The following LAMA5 variants were observed in gnomAD, a reference collection of about 807,000 sequenced individuals.
LAMA5 encodes laminin subunit alpha-5.
Under a neutral mutation model 433.4 loss-of-function variants are expected in LAMA5, and 260 were observed. The observed-to-expected ratio is 0.60, with a 90% CI of 0.54 to 0.66. The LOEUF is 0.66. Among genes scored for constraint, LAMA5 ranks in the 30% least tolerant of loss-of-function variants. LAMA5 has a pLI of 0.00. For missense variants in LAMA5, 5,378 were observed against 5,258.5 expected (o/e 1.02, Z -0.70); for synonymous variants, 2,620 against 2,226.6 (o/e 1.18, Z -4.97).
rs2146139765 is a variant in LAMA5, at chr20:62,324,592, G to A, written c.5530-38C>T. On this transcript the variant is annotated intron_variant, in intron 41 of 79. Coordinates refer to ENST00000252999, the MANE Select transcript of LAMA5 (RefSeq NM_005560.6). This position sits in a 1 kb window ranked among gnomAD's most constrained non-coding sequence, Gnocchi z 4.4. ...GGGGGCAGGTGGCATCAGCGATTGA[G>A]AGGACGAGGGGCCCCACCCTGCAAG... The A allele has an allele frequency of 6.8e-7, 1 of 1,461,282 alleles. No individual in the cohort carries two copies. Among genetic ancestry groups the A allele is most frequent in the African/African-American group, 1.4e-5 (1 of 71,952 alleles). 90.5% of individuals were successfully genotyped at this position (1,461,282 alleles called of 1,614,324 possible). A position where few individuals can be genotyped will look rare whatever the true frequency, so the allele number is the denominator to read the frequency against.
Position 62,312,534 on chromosome 20 carries a change from T to TGTGGGGAA in LAMA5, c.9228-10_9228-3dup. On this transcript the variant is annotated splice_polypyrimidine_tract_variant and splice_region_variant and intron_variant, in intron 67 of 79. Coordinates refer to ENST00000252999, the MANE Select transcript of LAMA5 (RefSeq NM_005560.6). The stretch of plus-strand genomic sequence containing the variant: ...CCGGTGGGGAAGAGCCGTCGCAGGC[T>TGTGGGGAA]GTGGGGAAGCGGGGATGCGGGTCAG... 1 of 1,599,554 alleles carries TGTGGGGAA rather than the reference T, an allele frequency of 6.3e-7. No homozygotes were observed. Among genetic ancestry groups the TGTGGGGAA allele is most frequent in the South Asian group, 1.1e-5 (1 of 90,966 alleles).
At chr20:62,311,329 GCAGGGGCCGCCCACA>G (rs1175986288) in intron 72 of LAMA5, 22 bp from the exon 73 acceptor site, 3 of 1,536,540 alleles carry the variant, frequency 2.0e-6, no homozygotes, top group Non-Finnish European at 2.6e-6. Context: ...GATGGTGAAT[GCAGGGGCCGCCCACA>G]CAGGGGCCAC....
chr20:62,318,446 G>A lies in LAMA5; in HGVS notation c.7239+8C>T, dbSNP rs1253278098. 1 of 1,597,402 alleles carries A rather than the reference G, an allele frequency of 6.3e-7. No homozygotes were observed. Among genetic ancestry groups the A allele is most frequent in the South Asian group, 1.1e-5 (1 of 90,822 alleles). ...GAGCAGGAGGAAGAACAAGTCCGGG[G>A]TCCTCACCAGGGCTTCCTCCAGGCG... is the stretch of plus-strand genomic sequence containing the variant. On this transcript the variant is annotated splice_region_variant and intron_variant, in intron 53 of 79. Coordinates refer to ENST00000252999, the MANE Select transcript of LAMA5 (RefSeq NM_005560.6).
chr20:62,333,610 T>C lies in LAMA5; in HGVS notation c.2975A>G (p.Asn992Ser). Residue 992 changes from asparagine (N) to serine (S), a missense_variant, in exon 24 of 80, where the codon AAC becomes AGC. By Grantham distance (46) the Asn-to-Ser change is conservative. Coordinates refer to ENST00000252999, the MANE Select transcript of LAMA5 (RefSeq NM_005560.6). ...QRGFGEPFVLNPGTWALRVEA... is the reference protein window; with the variant it reads ...QRGFGEPFVLSPGTWALRVEA... Reference sequence around the variant, plus strand: ...CACACGCAGGGCCCAGGTGCCAGGGTTCAGCACAAAGGGCTCTCCGAAGCC... The same window carrying C: ...CACACGCAGGGCCCAGGTGCCAGGGCTCAGCACAAAGGGCTCTCCGAAGCC... 2 of 1,575,956 alleles carry C rather than the reference T, an allele frequency of 1.3e-6. No individual in the cohort carries two copies. Among genetic ancestry groups the C allele is most frequent in the African/African-American group, 1.3e-5 (1 of 74,532 alleles).
chr20:62,324,348 T>G lies in LAMA5; in HGVS notation c.5643+93A>C. 1 of 1,428,524 alleles carries G rather than the reference T, an allele frequency of 7.0e-7. No homozygotes were observed. Among genetic ancestry groups the G allele is most frequent in the Non-Finnish European group, 9.7e-7 (1 of 1,035,158 alleles). The allele number at this position is 1,428,524 out of a possible 1,614,324, so 88.5% of individuals were successfully genotyped here. ...GGCAACACCCTTCCCCAGACCTCAG[T>G]TGACCTGGAAGTGCAGCCCCTGGTC... On this transcript the variant is annotated intron_variant, in intron 42 of 79. Transcript: ENST00000252999. This position sits in a 1 kb window ranked among gnomAD's most constrained non-coding sequence, Gnocchi z 4.4.
Position 62,312,641 on chromosome 20 carries a change from A to C in LAMA5, c.9218T>G (p.Leu3073Arg). ...YYLGGVPPDQ[L>R]PPSLRRLFPT... ...TGCGCACAGTGCTTACCTCGGGGGCAGCTGGTCGGGCGGCACGCCCCCCAG... is the reference window on the plus strand; with the variant it reads ...TGCGCACAGTGCTTACCTCGGGGGCCGCTGGTCGGGCGGCACGCCCCCCAG... Residue 3073 changes from leucine to arginine, a missense_variant, in exon 67 of 80, where the codon CTG becomes CGG. Coordinates refer to ENST00000252999, the MANE Select transcript of LAMA5 (RefSeq NM_005560.6). 6.2e-7 allele frequency: 1 copy of C among 1,606,594 alleles called. No individual in the cohort carries two copies.
At chr20:62,354,633 G>T (rs377743550) in intron 2 of LAMA5, among the ~76,000 whole-genome samples, 1 of 152,142 alleles carries the variant, frequency 6.6e-6, no homozygotes, top group Admixed American at 6.5e-5. Context: ...AGCAGGGGGG[G>T]TCCCGAGGCA....
chr20:62,317,840 G>A (rs905770015), intron 53 of LAMA5, 62 bp from the exon 54 acceptor site: 24 of 821,050 alleles, frequency 2.9e-5, no homozygotes, highest in Middle Eastern at 7.3e-4. Context: ...AGGATGTGAT[G>A]GGGTGGACAG....
At chr20:62,352,437 C>G (rs1042047178) in intron 3 of LAMA5, 77 bp from the exon 4 acceptor site, 1 of 1,092,966 alleles carries the variant, frequency 9.1e-7, no homozygotes, top group Admixed American at 2.0e-5. Flanking sequence ...GGCCCCTTGA[C>G]GTCTCCGGGC....
At position 62,327,588 on chromosome 20, in the gene LAMA5, G is replaced by T; in HGVS notation, c.4879C>A (p.Arg1627Ser). 1.2e-6 allele frequency: 2 copies of T among 1,613,002 alleles called. No homozygotes were observed. The highest frequency in any genetic ancestry group is 1.7e-6 in the Non-Finnish European group (2 of 1,180,014). The change falls in exon 37 of 80, where the codon CGC becomes AGC. Residue 1627 changes from arginine (R) to serine (S), a missense_variant. Physicochemically the swap from Arg to Ser is moderately radical, Grantham distance 110. Coordinates refer to ENST00000252999, the MANE Select transcript of LAMA5 (RefSeq NM_005560.6). ...LDAANPKGCT[R>S]CFCFGATERC... ...TCCGTGGCCCCAAAGCAGAAGCAGC[G>T]GGTGCAACCTTTGGGGTTGGCAGCA...
chr20:62,347,185 C>T (rs967312726), intron 6 of LAMA5, among the ~76,000 whole-genome samples, 157 bp from the exon 7 acceptor site: 1 of 152,208 alleles, frequency 6.6e-6, no homozygotes. Context: ...CGGCAGCAAG[C>T]GCTCGCCCAG....
chr20:62,310,793 C>A lies in LAMA5; in HGVS notation c.10318G>T (p.Val3440Leu). 6.4e-7 allele frequency: 1 copy of A among 1,552,564 alleles called. No individual in the cohort carries two copies. The highest frequency in any genetic ancestry group is 1.2e-5 in the South Asian group (1 of 83,156). Reference sequence around the variant, plus strand: ...CTCCAGGCCCGGGCCCCGTCCGTCACCAGCAGGATCCGGTTCTTCTCCCAG... The same window carrying A: ...CTCCAGGCCCGGGCCCCGTCCGTCAACAGCAGGATCCGGTTCTTCTCCCAG... Reference protein sequence around the residue: ...VRWEKNRILLVTDGARAWSQE... With the variant: ...VRWEKNRILLLTDGARAWSQE... Residue 3440 changes from valine to leucine, a missense_variant, in exon 75 of 80, where the codon GTG becomes TTG. Val to Leu is a conservative substitution (Grantham distance 32, BLOSUM62 1). Transcript: ENST00000252999.
rs1485140090 is a variant in LAMA5 at position 62,366,950 on chromosome 20, C to A, written c.296G>T (p.Arg99Leu). ...CCCACGGCCCGCCCCTGCGCTCACC[C>A]GGATGGTCTGGTTGGGGTCGCCGCC... ...VAGGDPNQTI[R>L]GQYCDICTAA... The change falls in exon 1 of 80, where the codon CGG (arginine) becomes CTG (leucine). Residue 99 changes from arginine (R) to leucine (L), a missense_variant and splice_region_variant. Coordinates refer to ENST00000252999, the MANE Select transcript of LAMA5 (RefSeq NM_005560.6). 7.9e-7 allele frequency: 1 copy of A among 1,270,188 alleles called. No homozygotes were observed. The highest frequency in any genetic ancestry group is 3.6e-5 in the South Asian group (1 of 28,124). 78.7% of individuals were successfully genotyped at this position (1,270,188 alleles called of 1,614,324 possible).
chr20:62,334,130 A>C, intron 22 of LAMA5, 56 bp downstream of exon 22: 1 of 1,589,878 alleles, frequency 6.3e-7, no homozygotes, highest in East Asian at 2.3e-5. Flanking sequence ...CCTCCCTGCC[A>C]GCCACGCCTG....
At position 62,334,050 on chromosome 20, in the gene LAMA5, A is replaced by G; in HGVS notation, c.2740-11T>C. On this transcript the variant is annotated splice_polypyrimidine_tract_variant and intron_variant, in intron 22 of 79. Coordinates refer to ENST00000252999, the MANE Select transcript of LAMA5 (RefSeq NM_005560.6). ...GGCCACGATCCTGGGCTGGGTGGGC[A>G]TGGAGCGTCGGGTCACTCTCCCTGA... is the stretch of plus-strand genomic sequence containing the variant. The G allele has an allele frequency of 6.2e-7, 1 of 1,608,202 alleles. No individual in the cohort carries two copies. The highest frequency in any genetic ancestry group is 8.5e-7 in the Non-Finnish European group (1 of 1,176,332).
rs373009617 is a variant in LAMA5 at position 62,320,831 on chromosome 20, G to A, written c.6556C>T (p.Pro2186Ser). 3.6e-5 allele frequency: 58 copies of A among 1,612,620 alleles called. No homozygotes were observed. The Middle Eastern group carries it at 6.6e-4, about 18-fold the overall frequency. The change falls in exon 49 of 80, where the codon CCC (proline) becomes TCC (serine). Residue 2186 changes from proline to serine, a missense_variant. By Grantham distance (74) the Pro-to-Ser change is moderately conservative. Transcript: ENST00000252999. ...DDLERAGALL[P>S]AIHEQLRGIN... ...CCACGCAGTTGCTCGTGAATGGCGG[G>A]GAGGAGGGCGCCGGCCCGTTCCAGG...
chr20:62,314,541 A>G lies in LAMA5; in HGVS notation c.8367+14T>C. 1 of 1,606,340 alleles carries G rather than the reference A, an allele frequency of 6.2e-7. No homozygotes were observed. On this transcript the variant is annotated intron_variant, in intron 61 of 79. Coordinates refer to ENST00000252999, the MANE Select transcript of LAMA5 (RefSeq NM_005560.6). The stretch of plus-strand genomic sequence containing the variant: ...GCCTGAGCTCGGGCCGCATCCACCC[A>G]GCCAGCCTGGTACCTGGCGGCTGCC...
rs778380227 is a variant in LAMA5 at position 62,313,220 on chromosome 20, C to T, written c.8823G>A (p.Thr2941=). 19 of 1,444,860 alleles carry T rather than the reference C, an allele frequency of 1.3e-5. No individual in the cohort carries two copies. Among genetic ancestry groups the T allele is most frequent in the African/African-American group, 4.6e-5 (3 of 65,280 alleles). The allele number at this position is 1,444,860 out of a possible 1,614,324, so 89.5% of individuals were successfully genotyped here. A position where few individuals can be genotyped will look rare whatever the true frequency, so the allele number is the denominator to read the frequency against. ...CGGTGCCGTCCAGGTAGGAGCCGTC[C>T]GTGAGCCACGGGTCCCCGGTCGACT... The part of the protein sequence containing the change: ...RSKSTGDPWL[T]DGSYLDGTGF... The change falls in exon 65 of 80, where the codon ACG becomes ACA. Residue 2941 remains threonine (T), a synonymous_variant. Transcript: ENST00000252999.
chr20:62,343,280 A>T (rs1387819089), intron 11 of LAMA5, among the ~76,000 whole-genome samples: 2 of 152,178 alleles, frequency 1.3e-5, no homozygotes, highest in African/African-American at 4.8e-5. Flanking sequence ...ACATTTCCAC[A>T]TAAAAAAACC....
Sources: allele counts gnomAD v4.1 joint callset (sites outside exome capture counted in the v4.1 genomes callset), GRCh38; gene constraint gnomAD v4.1.1; non-coding constraint Gnocchi (gnomAD v3.1); transcripts MANE v1.5; gene names NCBI Gene and HGNC (gene_info 2026-07-23, HGNC 2026-07-21).